Variants in RERG observed in about 807,000 individuals in gnomAD.
RERG encodes RAS like estrogen regulated growth inhibitor.
RERG carries 25 observed loss-of-function variants against 23.2 expected under a neutral mutation model. That is an observed-to-expected ratio of 1.08 (90% CI 0.79 to 1.50). The LOEUF is 1.50. Ranked by LOEUF, RERG falls within the 40% of genes most tolerant of loss-of-function variation. The probability of loss-of-function intolerance (pLI) is 0.00; values close to 1 mark genes in which losing one functional copy is unlikely to be tolerated. For missense variants in RERG, 253 were observed against 250.1 expected, an observed-to-expected ratio of 1.01 and a Z score of -0.08; for synonymous variants, 81 against 89.1, an observed-to-expected ratio of 0.91 and a Z score of 0.51.
intron 2 of RERG, among the ~76,000 whole-genome samples, chr12:15,142,651 A>G (rs538740612): frequency 6.6e-6 from 1 of 152,198 alleles, no homozygotes; most frequent in South Asian, 2.1e-4. Flanking sequence ...TGATTTTTCT[A>G]GCATTTATCT....
chr12:15,130,804 T>C (rs540944298), intron 2 of RERG, among the ~76,000 whole-genome samples: 2 of 152,324 alleles, frequency 1.3e-5, no homozygotes, highest in Admixed American at 6.5e-5. Context: ...TCTGTACAAA[T>C]CATTTTTTAA....
At chr12:15,154,579 G>A (rs1376946402) in intron 2 of RERG, among the ~76,000 whole-genome samples, 2 of 152,182 alleles carry the variant, frequency 1.3e-5, no homozygotes, top group African/African-American at 4.8e-5. Flanking sequence ...TTTGCAGAAT[G>A]GGAAAAACAC....
At chr12:15,219,785 G>A (rs887941533) in intron 1 of RERG, among the ~76,000 whole-genome samples, 1 of 152,134 alleles carries the variant, frequency 6.6e-6, no homozygotes, top group Admixed American at 6.5e-5. Flanking sequence ...TAAAATGCAA[G>A]TAATTATCTG....
chr12:15,118,553 A>G (rs1043326916), intron 3 of RERG, among the ~76,000 whole-genome samples: 6 of 152,162 alleles, frequency 3.9e-5, no homozygotes, highest in Non-Finnish European at 8.8e-5. Context: ...CCCAAATCTC[A>G]TGTTCATTTG....
intron 2 of RERG, among the ~76,000 whole-genome samples, chr12:15,127,555 C>T (rs117199595): frequency 0.012 from 1,897 of 152,270 alleles, 22 homozygotes; most frequent in Non-Finnish European, 0.017. Context: ...CCCCTGACCT[C>T]ACACCACTAT....
intron 2 of RERG, among the ~76,000 whole-genome samples, chr12:15,144,563 T>G (rs1360053344): frequency 1.3e-5 from 2 of 152,224 alleles, no homozygotes; most frequent in Admixed American, 6.5e-5. Flanking sequence ...GATTGATCAC[T>G]TGTTTCAAAT....
At chr12:15,163,739 A>C (rs2136115872) in intron 2 of RERG, among the ~76,000 whole-genome samples, 1 of 152,366 alleles carries the variant, frequency 6.6e-6, no homozygotes, top group South Asian at 2.1e-4. Context: ...GGGTAACCAG[A>C]GCCCAGCATC....
Position 15,217,556 on chromosome 12 carries a change from G to T in RERG, c.-67C>A, listed in dbSNP as rs958952121. The T allele has an allele frequency of 2.0e-5, 22 of 1,115,614 alleles. No homozygotes were observed. Among genetic ancestry groups the T allele is most frequent in the Non-Finnish European group, 2.8e-5 (20 of 726,390 alleles). The allele number at this position is 1,115,614 out of a possible 1,614,324, so 69.1% of individuals were successfully genotyped here. On this transcript the variant is annotated 5_prime_UTR_variant, in exon 2 of 5. The change creates a new upstream start codon in the 5' untranslated region. Transcript: ENST00000256953. ...CACTGAGTAAATCTTTTTGGTTCCAGTCTTTGGATTCACCATATCATTGTG... is the reference window on the plus strand; with the variant it reads ...CACTGAGTAAATCTTTTTGGTTCCATTCTTTGGATTCACCATATCATTGTG...
intron 1 of RERG, among the ~76,000 whole-genome samples, chr12:15,220,532 C>T (rs956923614): frequency 4.0e-5 from 6 of 150,718 alleles, no homozygotes; most frequent in African/African-American, 1.5e-4. Flanking sequence ...ACCTTATTTA[C>T]TTACTTATTT....
chr12:15,158,986 T>A (rs950144749), intron 2 of RERG, among the ~76,000 whole-genome samples: 1 of 152,232 alleles, frequency 6.6e-6, no homozygotes, highest in Non-Finnish European at 1.5e-5. Context: ...CTCACCACAC[T>A]TTCACTCATT....
chr12:15,177,806 C>A (rs1864870907), intron 2 of RERG, among the ~76,000 whole-genome samples: 1 of 143,898 alleles, frequency 6.9e-6, no homozygotes, highest in Non-Finnish European at 1.5e-5. Context: ...ACATGAAAAA[C>A]TAAAATTGAT....
chr12:15,146,126 C>G (rs1037938634), intron 2 of RERG, among the ~76,000 whole-genome samples: 1 of 152,130 alleles, frequency 6.6e-6, no homozygotes, highest in Admixed American at 6.5e-5. Flanking sequence ...AGTCTTAACA[C>G]TTGATAAAAT....
chr12:15,123,823 A>C (rs1410417972), intron 2 of RERG, among the ~76,000 whole-genome samples: 1 of 152,120 alleles, frequency 6.6e-6, no homozygotes, highest in South Asian at 2.1e-4. Context: ...TTGTTGCTCC[A>C]GAAGTTTTAA....
Position 15,221,264 on chromosome 12 carries a change from G to C in RERG, c.-184C>G, listed in dbSNP as rs533931986. ...TTCGGAATGGGTCCCCCAAGATCGC[G>C]AAGCCCTCCCACACTGCGCAGCCCA... On this transcript the variant is annotated 5_prime_UTR_variant, in exon 1 of 5. Coordinates refer to ENST00000256953, the MANE Select transcript of RERG (RefSeq NM_032918.3). 16 of 152,504 alleles carry C rather than the reference G, an allele frequency of 1.0e-4. No individual in the cohort carries two copies. The highest frequency in any genetic ancestry group is 3.8e-4 in the African/African-American group (16 of 41,590). 9.4% of individuals were successfully genotyped at this position (152,504 alleles called of 1,614,324 possible). A position where few individuals can be genotyped will look rare whatever the true frequency, so the allele number is the denominator to read the frequency against.
chr12:15,219,385 C>T (rs570631670), intron 1 of RERG, among the ~76,000 whole-genome samples: 29 of 152,284 alleles, frequency 1.9e-4, no homozygotes, highest in African/African-American at 7.0e-4. Flanking sequence ...TTTCAAAGTG[C>T]CAGAGCTTCC....
At chr12:15,192,898 G>A (rs143573141) in intron 2 of RERG, among the ~76,000 whole-genome samples, 1 of 152,260 alleles carries the variant, frequency 6.6e-6, no homozygotes, top group African/African-American at 2.4e-5. Flanking sequence ...GAGAAGTGAC[G>A]TGCCCTTCTC....
chr12:15,165,000 T>C (rs1008401449), intron 2 of RERG, among the ~76,000 whole-genome samples: 3 of 152,196 alleles, frequency 2.0e-5, no homozygotes, highest in East Asian at 1.9e-4. Context: ...TGCTCTCTCT[T>C]TGAGGTCTCA....
chr12:15,186,385 A>G (rs1228739520), intron 2 of RERG, among the ~76,000 whole-genome samples: 4 of 152,184 alleles, frequency 2.6e-5, no homozygotes, highest in Non-Finnish European at 5.9e-5. Context: ...TGCAGGAAAA[A>G]TTTAAAAAAT....
Position 15,217,685 on chromosome 12 carries a change from C to T in RERG, c.-114-82G>A, listed in dbSNP as rs1055912332. On this transcript the variant is annotated intron_variant, in intron 1 of 4. Transcript: ENST00000256953. The stretch of plus-strand genomic sequence containing the variant: ...TTGAGCATCTACTATATGCCAGCCA[C>T]CATTCACTTTTTCAACATTTTCTGG... The T allele has an allele frequency of 1.5e-5, 8 of 524,612 alleles. No individual in the cohort carries two copies. In the African/African-American group the frequency reaches 1.6e-4, roughly 10 times the overall value. The allele number at this position is 524,612 out of a possible 1,614,324, so 32.5% of individuals were successfully genotyped here.
Sources: allele counts gnomAD v4.1 joint callset (sites outside exome capture counted in the v4.1 genomes callset), GRCh38; gene constraint gnomAD v4.1.1; transcripts MANE v1.5; gene names NCBI Gene and HGNC (gene_info 2026-07-23, HGNC 2026-07-21).